DEFB123: variants seen among roughly 807,000 people sequenced by gnomAD.
DEFB123 encodes beta-defensin 123.
For missense variants in DEFB123, 71 were observed against 75.0 expected (o/e 0.95, Z 0.20); for synonymous variants, 22 against 28.3 (o/e 0.78, Z 0.71).
At chr20:31,441,406 T>C (rs1979459755) in intron 1 of DEFB123, among the ~76,000 whole-genome samples, 1 of 151,716 alleles carries the variant, frequency 6.6e-6, no homozygotes, top group African/African-American at 2.4e-5. Flanking sequence ...AGCAGAAGGG[T>C]GTCCCAGGCA....
chr20:31,448,453 CCCTCT>C (rs955363564), intron 1 of DEFB123, among the ~76,000 whole-genome samples: 74 of 151,566 alleles, frequency 4.9e-4, no homozygotes, highest in Non-Finnish European at 8.1e-4. Context: ...CCTGCCCCTC[CCCTCT>C]CCTCTCCTTT....
intron 1 of DEFB123, among the ~76,000 whole-genome samples, chr20:31,448,876 T>A (rs1979660553): frequency 8.4e-6 from 1 of 119,256 alleles, no homozygotes; most frequent in Non-Finnish European, 1.7e-5. Flanking sequence ...CACGCCCAGC[T>A]AATTTTTTTT....
chr20:31,446,955 A>AAAAAAAC (rs1555832183), intron 1 of DEFB123, among the ~76,000 whole-genome samples: 2 of 150,850 alleles, frequency 1.3e-5, no homozygotes, highest in African/African-American at 2.4e-5. Flanking sequence ...TCAAAAAAAA[A>AAAAAAAC]AAAAACAAAA....
chr20:31,450,234 C>CT lies in DEFB123; in HGVS notation c.*61dup, dbSNP rs1979706423. 11 of 1,541,890 alleles carry CT rather than the reference C, an allele frequency of 7.1e-6. No individual in the cohort carries two copies. In the South Asian group the frequency reaches 1.3e-4, roughly 18 times the overall value. ...GAAGCTCCCAGTGGATTCCCACACT[C>CT]TATCAATAAACACCTCTGGCTGATC... On this transcript the variant is annotated 3_prime_UTR_variant, in exon 2 of 2. Coordinates refer to ENST00000376309, the MANE Select transcript of DEFB123 (RefSeq NM_153324.4).
At chr20:31,449,963 A>G (rs535169006) in intron 1 of DEFB123, 66 bp from the exon 2 acceptor site, 2 of 1,502,660 alleles carry the variant, frequency 1.3e-6, no homozygotes, top group East Asian at 4.9e-5. Flanking sequence ...TCTTTTACAG[A>G]CCTTTCAAAT....
chr20:31,446,369 C>A (rs1979585393), intron 1 of DEFB123, among the ~76,000 whole-genome samples: 1 of 152,140 alleles, frequency 6.6e-6, no homozygotes, highest in African/African-American at 2.4e-5. Flanking sequence ...TTTTGTTTTC[C>A]AAAACCCCTT....
At position 31,440,652 on chromosome 20, in the gene DEFB123, T is replaced by A. The variant is rs200311016; in HGVS notation, c.-47T>A. ...CAGGCACTCTCCTTCTCCCATTAGC[T>A]CAGCCGTGGCATCGGACTTGCAGCT... On this transcript the variant is annotated 5_prime_UTR_variant, in exon 1 of 2. Transcript: ENST00000376309. 6 of 1,611,722 alleles carry A rather than the reference T, an allele frequency of 3.7e-6. No individual in the cohort carries two copies. The highest frequency in any genetic ancestry group is 3.4e-6 in the Non-Finnish European group (4 of 1,179,200).
chr20:31,442,193 G>C (rs902355809), intron 1 of DEFB123, among the ~76,000 whole-genome samples: 4 of 152,114 alleles, frequency 2.6e-5, no homozygotes, highest in African/African-American at 9.7e-5. Flanking sequence ...TTCAATATTT[G>C]TCTTTTCTGT....
intron 1 of DEFB123, among the ~76,000 whole-genome samples, chr20:31,447,817 C>T (rs554429764): frequency 2.1e-5 from 3 of 141,088 alleles, no homozygotes; most frequent in African/African-American, 5.4e-5. Flanking sequence ...GACGGAGTCC[C>T]GCTCTGTCGC....
chr20:31,449,823 G>A (rs551182687), intron 1 of DEFB123, among the ~76,000 whole-genome samples: 1 of 147,684 alleles, frequency 6.8e-6, no homozygotes, highest in East Asian at 2.0e-4. Context: ...GCTTTATTCA[G>A]CTGATGTACC....
chr20:31,446,211 A>C (rs931617930), intron 1 of DEFB123, among the ~76,000 whole-genome samples: 4 of 152,248 alleles, frequency 2.6e-5, no homozygotes, highest in African/African-American at 9.6e-5. Flanking sequence ...AGATTCCAGT[A>C]TAATGTAAAT....
intron 1 of DEFB123, among the ~76,000 whole-genome samples, chr20:31,447,879 C>T (rs1424250354): frequency 1.3e-5 from 2 of 151,124 alleles, no homozygotes; most frequent in Non-Finnish European, 2.9e-5. Flanking sequence ...CTCTGCCTCC[C>T]GGGTTCACGC....
At chr20:31,448,605 T>G (rs1406576785) in intron 1 of DEFB123, among the ~76,000 whole-genome samples, 1 of 152,162 alleles carries the variant, frequency 6.6e-6, no homozygotes, top group Non-Finnish European at 1.5e-5. Flanking sequence ...TTCAAGTTCA[T>G]TTATCTTTTC....
At chr20:31,444,922 C>T (rs1420561974) in intron 1 of DEFB123, among the ~76,000 whole-genome samples, 4 of 151,974 alleles carry the variant, frequency 2.6e-5, no homozygotes, top group Non-Finnish European at 4.4e-5. Context: ...CCTTTACAGT[C>T]TCATTGCTAG....
chr20:31,447,594 T>C (rs1308724082), intron 1 of DEFB123, among the ~76,000 whole-genome samples: 1 of 151,846 alleles, frequency 6.6e-6, no homozygotes, highest in African/African-American at 2.4e-5. Flanking sequence ...GTGCAGTTTC[T>C]GACAATAAGT....
At chr20:31,442,596 CTTTTTT>C (rs397865886) in intron 1 of DEFB123, among the ~76,000 whole-genome samples, 3 of 105,868 alleles carry the variant, frequency 2.8e-5, no homozygotes, top group African/African-American at 3.8e-5. Context: ...AGGTCATTTG[CTTTTTT>C]TTTTTTTTTT....
At chr20:31,441,233 T>C (rs1979455755) in intron 1 of DEFB123, among the ~76,000 whole-genome samples, 1 of 151,868 alleles carries the variant, frequency 6.6e-6, no homozygotes. Context: ...GAGGAGACAG[T>C]TAAATAGCAT....
At chr20:31,449,175 GT>G (rs1248048861) in intron 1 of DEFB123, among the ~76,000 whole-genome samples, 1 of 147,942 alleles carries the variant, frequency 6.8e-6, no homozygotes, top group African/African-American at 2.5e-5. Flanking sequence ...TGGTTGATTT[GT>G]TTTTCTCCTG....
Position 31,450,106 on chromosome 20 carries a change from T to C in DEFB123, c.136T>C (p.Cys46Arg), listed in dbSNP as rs764299206. ...CSKKERVYVY[C>R]INNKMCCVKP... ...CAAGAAGGAAAGAGTCTATGTTTAC[T>C]GCATAAATAATAAAATGTGCTGCGT... is the stretch of plus-strand genomic sequence containing the variant. Residue 46 changes from cysteine (C) to arginine (R), a missense_variant, in exon 2 of 2, where the codon TGC (cysteine) becomes CGC (arginine). Cys to Arg is a radical substitution (Grantham distance 180, BLOSUM62 -3). Transcript: ENST00000376309. The C allele has an allele frequency of 3.1e-6, 5 of 1,613,304 alleles. 1 individual carries two copies. The South Asian group carries it at 4.4e-5, about 14-fold the overall frequency.
Sources: gnomAD v4.1 joint callset for allele counts (sites outside exome capture counted in the v4.1 genomes callset) on GRCh38, gnomAD v4.1.1 for gene constraint, MANE v1.5 for transcripts, NCBI Gene and HGNC (gene_info 2026-07-23, HGNC 2026-07-21) for gene names.